ZC3H14: variants seen among roughly 807,000 people sequenced by gnomAD.
The protein encoded by ZC3H14 is zinc finger CCCH-type containing 14.
ZC3H14 carries 31 observed loss-of-function variants against 92.4 expected under a neutral mutation model. The ratio of observed to expected loss-of-function variants is 0.34; its 90% CI spans 0.25 to 0.45. The LOEUF (loss-of-function observed/expected upper bound fraction) is 0.45. Among genes scored for constraint, ZC3H14 ranks in the 20% least tolerant of loss-of-function variants. ZC3H14 has a pLI of 1.00. For synonymous variants in ZC3H14, 321 were observed against 300.9 expected (o/e 1.07, Z -0.69); for missense variants, 781 against 897.3 (o/e 0.87, Z 1.66).
chr14:88,571,053 GT>G, intron 3 of ZC3H14, 30 bp from the exon 4 acceptor site: 1 of 1,515,930 alleles, frequency 6.6e-7, no homozygotes, highest in Non-Finnish European at 8.9e-7. Context: ...TTAACAGAAG[GT>G]TTATTTTTGT....
At position 88,603,059 on chromosome 14, in the gene ZC3H14, C is replaced by T. The variant is rs573730445; in HGVS notation, c.1746C>T (p.Asn582=). The part of the protein sequence containing the change: ...QLEDPNGSFS[N]AEMSELSVAQ... ...AGGACCCAAATGGTAGCTTTTCTAA[C>T]GGTGTGTTGAGAGCTCAGATTTTCA... Residue 582 remains asparagine (N), a splice_region_variant and synonymous_variant, in exon 12 of 17, where the codon AAC becomes AAT. Coordinates refer to ENST00000251038, the MANE Select transcript of ZC3H14 (RefSeq NM_024824.5). 2.3e-5 allele frequency: 37 copies of T among 1,614,030 alleles called. No individual in the cohort carries two copies. In the East Asian group the frequency reaches 3.6e-4, roughly 16 times the overall value.
At position 88,578,781 on chromosome 14, in the gene ZC3H14, G is replaced by GTTT. The variant is rs35101368; in HGVS notation, c.1279+663_1279+665dup. 4.8e-3 allele frequency among the ~76,000 whole-genome samples: 367 copies of GTTT among 76,758 alleles called. 5 individuals are homozygous for GTTT. The highest frequency in any genetic ancestry group is 0.014 in the Middle Eastern group (1 of 72). 50.4% of individuals were successfully genotyped at this position (76,758 alleles called of 152,430 possible). A position where few individuals can be genotyped will look rare whatever the true frequency, so the allele number is the denominator to read the frequency against. On this transcript the variant is annotated intron_variant, in intron 9 of 16. Transcript: ENST00000251038. ...CTAACATACTTCAGTTTGCTTCCAG[G>GTTT]TTTTTTTTTTTTTTTTTTTTTTTTG...
chr14:88,618,331 C>T lies in ZC3H14; in HGVS notation c.*6580C>T. On this transcript the variant is annotated 3_prime_UTR_variant, in exon 17 of 17. Transcript: ENST00000251038. The stretch of plus-strand genomic sequence containing the variant: ...TGCCGTTTATAGCAGCCACTAGAGA[C>T]CTTTTTCATCAGATTAAAATGGGAC... The T allele has an allele frequency of 6.2e-7, 1 of 1,613,012 alleles. No homozygotes were observed. Among genetic ancestry groups the T allele is most frequent in the South Asian group, 1.1e-5 (1 of 91,042 alleles).
At chr14:88,595,518 C>T (rs1332147277) in intron 9 of ZC3H14, among the ~76,000 whole-genome samples, 2 of 152,158 alleles carry the variant, frequency 1.3e-5, no homozygotes, top group Non-Finnish European at 2.9e-5. Context: ...CCTCAGTTTT[C>T]CAAGCTTCCC....
rs1595227751 is a variant in ZC3H14, at chr14:88,623,445, G to C, written c.*11694G>C. Reference sequence around the variant, plus strand: ...TTGATTTATTTATTTTTTTGAGACAGAGTGTCGCTCTGTCACCTGGCCTGG... The same window carrying C: ...TTGATTTATTTATTTTTTTGAGACACAGTGTCGCTCTGTCACCTGGCCTGG... On this transcript the variant is annotated 3_prime_UTR_variant, in exon 17 of 17. Coordinates refer to ENST00000251038, the MANE Select transcript of ZC3H14 (RefSeq NM_024824.5). The C allele has an allele frequency of 6.6e-6, 1 of 151,402 alleles. No individual in the cohort carries two copies. The highest frequency in any genetic ancestry group is 1.5e-5 in the Non-Finnish European group (1 of 67,840). The allele number at this position is 151,402 out of a possible 1,614,324, so 9.4% of individuals were successfully genotyped here. A position where few individuals can be genotyped will look rare whatever the true frequency, so the allele number is the denominator to read the frequency against.
Position 88,613,826 on chromosome 14 carries a change from G to A in ZC3H14, c.*2075G>A, listed in dbSNP as rs1009358731. On this transcript the variant is annotated 3_prime_UTR_variant, in exon 17 of 17. Coordinates refer to ENST00000251038, the MANE Select transcript of ZC3H14 (RefSeq NM_024824.5). ...TACTGCACACAAAAATAATTATCTG[G>A]GTTAAAAAAGTAAACATAGGGCAGA... 1 of 152,086 alleles carries A rather than the reference G, an allele frequency of 6.6e-6. No homozygotes were observed. The highest frequency in any genetic ancestry group is 1.5e-5 in the Non-Finnish European group (1 of 67,994). 9.4% of individuals were successfully genotyped at this position (152,086 alleles called of 1,614,324 possible). A position where few individuals can be genotyped will look rare whatever the true frequency, so the allele number is the denominator to read the frequency against.
chr14:88,592,807 C>G (rs1595705854), intron 9 of ZC3H14, among the ~76,000 whole-genome samples: 2 of 151,912 alleles, frequency 1.3e-5, no homozygotes, highest in African/African-American at 2.4e-5. Flanking sequence ...GGCCAGGATT[C>G]TTCTTTTAAG....
intron 15 of ZC3H14, among the ~76,000 whole-genome samples, chr14:88,610,115 T>A (rs540387748): frequency 6.6e-6 from 1 of 152,280 alleles, no homozygotes; most frequent in Non-Finnish European, 1.5e-5. Context: ...TTGAACCTAA[T>A]GTCAGAACTG....
At chr14:88,606,559 C>T (rs1469745529) in intron 12 of ZC3H14, among the ~76,000 whole-genome samples, 1 of 151,952 alleles carries the variant, frequency 6.6e-6, no homozygotes, top group East Asian at 1.9e-4. Flanking sequence ...CGCTTAAGTC[C>T]TGGAGTTCAA....
chr14:88,591,613 T>C (rs1417869990), intron 9 of ZC3H14: 1 of 152,154 alleles, frequency 6.6e-6, no homozygotes, highest in Non-Finnish European at 1.5e-5. Context: ...AGGGGAGATT[T>C]TACATTCAAA....
In ZC3H14 at chr14:88,618,744, G is replaced by C. The variant is rs1278739754; in HGVS notation, c.*6993G>C. 6.2e-7 allele frequency: 1 copy of C among 1,605,728 alleles called. No homozygotes were observed. The highest frequency in any genetic ancestry group is 8.5e-7 in the Non-Finnish European group (1 of 1,175,484). ...GATTCTGTTAAGAGTGGGGCCCAGC[G>C]TTAGGTCATAAAAATCCACTGAGTT... On this transcript the variant is annotated 3_prime_UTR_variant, in exon 17 of 17. Coordinates refer to ENST00000251038, the MANE Select transcript of ZC3H14 (RefSeq NM_024824.5).
intron 9 of ZC3H14, among the ~76,000 whole-genome samples, chr14:88,593,619 T>C (rs762990193): frequency 1.2e-4 from 18 of 152,160 alleles, no homozygotes; most frequent in Non-Finnish European, 1.9e-4. Flanking sequence ...AGACAGTTTA[T>C]TGGCAAAAGA....
Position 88,617,149 on chromosome 14 carries a change from TC to T in ZC3H14, c.*5399del. The T allele has an allele frequency of 8.0e-6, 2 of 249,078 alleles. No homozygotes were observed. The highest frequency in any genetic ancestry group is 5.0e-5 in the Admixed American group (1 of 19,902). 15.4% of individuals were successfully genotyped at this position (249,078 alleles called of 1,614,324 possible). A position where few individuals can be genotyped will look rare whatever the true frequency, so the allele number is the denominator to read the frequency against. Reference sequence around the variant, plus strand: ...TATGAAAACTGATAGAACTATTTTTTCTTTTTTTTTTTTTGAGACGGAGTTT... The same window carrying T: ...TATGAAAACTGATAGAACTATTTTTTTTTTTTTTTTTTTGAGACGGAGTTT... On this transcript the variant is annotated 3_prime_UTR_variant, in exon 17 of 17. Coordinates refer to ENST00000251038, the MANE Select transcript of ZC3H14 (RefSeq NM_024824.5).
chr14:88,610,026 A>G (rs1405767685), intron 15 of ZC3H14, among the ~76,000 whole-genome samples: 1 of 152,160 alleles, frequency 6.6e-6, no homozygotes, highest in African/African-American at 2.4e-5. Context: ...GGGGGGAAGC[A>G]TATCTTTGCT....
Position 88,614,922 on chromosome 14 carries a change from A to C in ZC3H14, c.*3171A>C, listed in dbSNP as rs1372217110. 2 of 152,220 alleles carry C rather than the reference A, an allele frequency of 1.3e-5. No homozygotes were observed. Among genetic ancestry groups the C allele is most frequent in the African/African-American group, 4.8e-5 (2 of 41,458 alleles). The allele number at this position is 152,220 out of a possible 1,614,324, so 9.4% of individuals were successfully genotyped here. A position where few individuals can be genotyped will look rare whatever the true frequency, so the allele number is the denominator to read the frequency against. ...GAGTGATTAAATTGTATAATGTTGT[A>C]TATGTGAATTTAACACTTTTGTTTA... On this transcript the variant is annotated 3_prime_UTR_variant, in exon 17 of 17. Transcript: ENST00000251038.
At position 88,568,062 on chromosome 14, in the gene ZC3H14, A is replaced by T; in HGVS notation, c.103A>T (p.Met35Leu). The change falls in exon 3 of 17, where the codon ATG (methionine) becomes TTG (leucine). Residue 35 changes from methionine to leucine, a missense_variant. By Grantham distance (15) the Met-to-Leu change is conservative (BLOSUM62 2). This residue lies in a region of ZC3H14 where 106 missense variants were observed against 154.2 expected (regional missense o/e 0.69). Transcript: ENST00000251038. ...AGATGAAGAACTTCCTGATTACATT[A>T]TGGTGATGGTGGCCAACAAGAAAAG... ...YVDEELPDYI[M>L]VMVANKKSQD... is the part of the protein sequence containing the mutation. The T allele has an allele frequency of 6.2e-7, 1 of 1,614,112 alleles. No homozygotes were observed. The highest frequency in any genetic ancestry group is 8.5e-7 in the Non-Finnish European group (1 of 1,179,954).
chr14:88,566,888 C>G (rs2079709285), intron 2 of ZC3H14, among the ~76,000 whole-genome samples: 1 of 150,966 alleles, frequency 6.6e-6, no homozygotes, highest in Non-Finnish European at 1.5e-5. Flanking sequence ...CCACTACACT[C>G]CAACCTGGGA....
chr14:88,592,566 TCTCA>T (rs943845782), intron 9 of ZC3H14, among the ~76,000 whole-genome samples: 4 of 141,572 alleles, frequency 2.8e-5, no homozygotes, highest in African/African-American at 1.0e-4. Context: ...AGTGGCGCAG[TCTCA>T]CTCACCGCAG....
intron 2 of ZC3H14, among the ~76,000 whole-genome samples, chr14:88,563,896 GT>G (rs780451726): frequency 2.2e-4 from 33 of 152,036 alleles, no homozygotes; most frequent in Non-Finnish European, 4.3e-4. Flanking sequence ...CTGTTATGGT[GT>G]TTTGAAATTT....
Sources: gnomAD v4.1 joint callset for allele counts (sites outside exome capture counted in the v4.1 genomes callset) on GRCh38, gnomAD v4.1.1 for gene constraint, gnomAD v4.1.1 regional missense constraint, MANE v1.5 for transcripts, NCBI Gene and HGNC (gene_info 2026-07-23, HGNC 2026-07-21) for gene names.